Variants in CSMD3 observed in about 807,000 individuals in gnomAD.
CSMD3 encodes the protein CUB and sushi domain-containing protein 3.
CSMD3 carries 177 observed loss-of-function variants against 435.2 expected under a neutral mutation model. That is an observed-to-expected ratio of 0.41 (90% CI 0.36 to 0.46). CSMD3 has a LOEUF of 0.46. Among genes scored for constraint, CSMD3 ranks in the 20% least tolerant of loss-of-function variants. The pLI, the probability that CSMD3 is intolerant of heterozygous loss-of-function variation, is 0.34. For missense variants in CSMD3, 4,265 were observed against 4,504.6 expected (o/e 0.95, Z 1.52); for synonymous variants, 1,656 against 1,520.5 (o/e 1.09, Z -2.07).
chr8:112,923,318 C>G (rs939448737), intron 9 of CSMD3, among the ~76,000 whole-genome samples: 1 of 152,102 alleles, frequency 6.6e-6, no homozygotes, highest in Non-Finnish European at 1.5e-5. Context: ...TAAAGGATCA[C>G]CTGTTTCACT....
rs192597211 is a variant in CSMD3, at chr8:112,291,752, T to C, written c.8789-57A>G. Reference sequence around the variant, plus strand: ...TTGGAATAATATACATATACCTATATAGATTTATATTAGAAATGTACATAC... The same window carrying C: ...TTGGAATAATATACATATACCTATACAGATTTATATTAGAAATGTACATAC... On this transcript the variant is annotated intron_variant, in intron 55 of 70. Transcript: ENST00000297405. The C allele has an allele frequency of 1.7e-5, 18 of 1,074,048 alleles. No individual in the cohort carries two copies. The African/African-American group carries it at 1.9e-4, about 11-fold the overall frequency. 66.5% of individuals were successfully genotyped at this position (1,074,048 alleles called of 1,614,324 possible).
At position 112,813,791 on chromosome 8, in the gene CSMD3, G is replaced by A. The variant is rs569227433; in HGVS notation, c.1860-13517C>T. ...CCAGCTGGCACCTCCTCTTATAAGG[G>A]TGAGTAGAGGAATTTATTGGGCAAA... On this transcript the variant is annotated intron_variant, in intron 12 of 70. Coordinates refer to ENST00000297405, the MANE Select transcript of CSMD3 (RefSeq NM_198123.2). Among the ~76,000 whole-genome samples, 5 of 152,256 alleles carry A rather than the reference G, an allele frequency of 3.3e-5. 1 individual carries two copies. In the South Asian group the frequency reaches 8.3e-4, roughly 25 times the overall value.
At chr8:112,786,524 A>G (rs1208023342) in intron 13 of CSMD3, among the ~76,000 whole-genome samples, 2 of 152,054 alleles carry the variant, frequency 1.3e-5, no homozygotes, top group East Asian at 1.9e-4. Flanking sequence ...TATTTGACAA[A>G]GGCTTAACAA....
chr8:112,508,403 C>T (rs556465321), intron 28 of CSMD3, among the ~76,000 whole-genome samples: 1 of 152,260 alleles, frequency 6.6e-6, no homozygotes, highest in Admixed American at 6.5e-5. Flanking sequence ...CGATTCTTTG[C>T]TTCTAGCTGA....
In CSMD3 at chr8:113,324,898, A is replaced by T. The variant is rs73339744; in HGVS notation, c.179-10105T>A. On this transcript the variant is annotated intron_variant, in intron 1 of 70. Transcript: ENST00000297405. ...CCCACCTCTTGCATCAGCATGACTCAGATGGGAGACATGGAGTCAAAGGAG... is the reference window on the plus strand; with the variant it reads ...CCCACCTCTTGCATCAGCATGACTCTGATGGGAGACATGGAGTCAAAGGAG... Among the ~76,000 whole-genome samples, 539 of 152,356 alleles carry T rather than the reference A, an allele frequency of 3.5e-3. 2 individuals are homozygous for T. Among genetic ancestry groups the T allele is most frequent in the African/African-American group, 0.012 (502 of 41,590 alleles).
chr8:112,677,359 T>C (rs1289164965), intron 16 of CSMD3, among the ~76,000 whole-genome samples: 1 of 151,012 alleles, frequency 6.6e-6, no homozygotes, highest in Non-Finnish European at 1.5e-5. Flanking sequence ...AAAGATGGCC[T>C]AGAAAGGTAT....
chr8:112,343,868 ATTAT>A (rs1243053646), intron 41 of CSMD3, among the ~76,000 whole-genome samples: 3 of 151,146 alleles, frequency 2.0e-5, no homozygotes, highest in African/African-American at 7.3e-5. Flanking sequence ...AGGCTGGTTG[ATTAT>A]TTATTTATTA....
At position 112,630,550 on chromosome 8, in the gene CSMD3, AC is replaced by A. The variant is rs2131554490; in HGVS notation, c.3715+6266del. On this transcript the variant is annotated intron_variant, in intron 22 of 70. Coordinates refer to ENST00000297405, the MANE Select transcript of CSMD3 (RefSeq NM_198123.2). ...TGCCGTGTATTATTATTCTTATGCT[AC>A]TATGTTAATCTTTTTGAGGACCAAT... is the stretch of plus-strand genomic sequence containing the variant. Among the ~76,000 whole-genome samples the A allele has an allele frequency of 2.0e-5, 3 of 152,204 alleles. No homozygotes were observed. In the South Asian group the frequency reaches 6.2e-4, roughly 32 times the overall value.
intron 10 of CSMD3, among the ~76,000 whole-genome samples, chr8:112,897,787 G>T (rs1488506613): frequency 6.7e-6 from 1 of 150,070 alleles, no homozygotes; most frequent in African/African-American, 2.4e-5. Context: ...CATAAAGCGG[G>T]AGGAAAAAGT....
At chr8:112,501,189 A>T (rs1821917090) in intron 30 of CSMD3, among the ~76,000 whole-genome samples, 3 of 151,920 alleles carry the variant, frequency 2.0e-5, no homozygotes, top group African/African-American at 7.3e-5. Context: ...CCAAATGACA[A>T]ACCCTGGGCA....
chr8:112,722,072 A>G lies in CSMD3; in HGVS notation c.1973-32022T>C, dbSNP rs1345308535. On this transcript the variant is annotated intron_variant, in intron 13 of 70. Transcript: ENST00000297405. Reference sequence around the variant, plus strand: ...CATTATATGAAAAAAAAATCCATACATAAGGCTGTGTAGGGAATTATATTA... The same window carrying G: ...CATTATATGAAAAAAAAATCCATACGTAAGGCTGTGTAGGGAATTATATTA... 3.3e-5 allele frequency among the ~76,000 whole-genome samples: 5 copies of G among 152,048 alleles called. No individual in the cohort carries two copies. In the South Asian group the frequency reaches 1.0e-3, roughly 31 times the overall value.
chr8:112,697,023 T>C (rs959246322), intron 13 of CSMD3, among the ~76,000 whole-genome samples: 2 of 151,102 alleles, frequency 1.3e-5, no homozygotes, highest in East Asian at 2.0e-4. Context: ...AAAACCACAA[T>C]GAGATACCAT....
At chr8:112,453,808 A>G (rs971947280) in intron 32 of CSMD3, among the ~76,000 whole-genome samples, 6 of 152,184 alleles carry the variant, frequency 3.9e-5, no homozygotes, top group African/African-American at 1.4e-4. Flanking sequence ...AGCTAAAGCA[A>G]TCCTAAGCAA....
intron 5 of CSMD3, among the ~76,000 whole-genome samples, chr8:113,090,257 G>GA (rs2089958292): frequency 6.6e-6 from 1 of 151,982 alleles, no homozygotes; most frequent in South Asian, 2.1e-4. Context: ...TAATGGAGGG[G>GA]AGTTGCAGAG....
At chr8:112,799,731 T>C (rs1351193785) in intron 13 of CSMD3, among the ~76,000 whole-genome samples, 1 of 151,984 alleles carries the variant, frequency 6.6e-6, no homozygotes, top group African/African-American at 2.4e-5. Context: ...TGAGCTATAT[T>C]TATATGTTTG....
intron 3 of CSMD3, among the ~76,000 whole-genome samples, chr8:113,268,269 C>T (rs573503122): frequency 7.2e-4 from 109 of 151,952 alleles, no homozygotes; most frequent in South Asian, 2.3e-3. Flanking sequence ...ATCAATTGCA[C>T]CTTGATCAAA....
chr8:112,262,825 A>T (rs536941823), intron 61 of CSMD3, among the ~76,000 whole-genome samples: 49 of 152,216 alleles, frequency 3.2e-4, no homozygotes, highest in African/African-American at 1.2e-3. Context: ...AAGTCCTATG[A>T]GCATGTAGGG....
At chr8:112,510,945 G>A (rs1017770554) in intron 28 of CSMD3, among the ~76,000 whole-genome samples, 2 of 152,146 alleles carry the variant, frequency 1.3e-5, no homozygotes, top group Non-Finnish European at 2.9e-5. Flanking sequence ...CTAATTTGTA[G>A]CTATGTGTTT....
At chr8:112,395,454 A>G (rs1830781099) in intron 35 of CSMD3, among the ~76,000 whole-genome samples, 1 of 152,204 alleles carries the variant, frequency 6.6e-6, no homozygotes, top group African/African-American at 2.4e-5. Context: ...GAGTTTGTAT[A>G]TATTTCTTCA....
Sources: gnomAD v4.1 joint callset for allele counts (sites outside exome capture counted in the v4.1 genomes callset) on GRCh38, gnomAD v4.1.1 for gene constraint, MANE v1.5 for transcripts, NCBI Gene and HGNC (gene_info 2026-07-23, HGNC 2026-07-21) for gene names.